The following CFAP221 variants were observed in gnomAD, a reference collection of about 807,000 sequenced individuals.
The protein encoded by CFAP221 is cilia- and flagella-associated protein 221.
Under a neutral mutation model 113.1 loss-of-function variants are expected in CFAP221, and 97 were observed. The observed-to-expected ratio is 0.86, with a 90% CI of 0.73 to 1.02. The LOEUF (loss-of-function observed/expected upper bound fraction) is 1.02, where lower values mean the gene tolerates loss of function less well. Among genes scored for constraint, CFAP221 ranks in the 50% least tolerant of loss-of-function variants. The probability of loss-of-function intolerance (pLI) is 0.00; values close to 1 mark genes in which losing one functional copy is unlikely to be tolerated. For synonymous variants in CFAP221, 331 were observed against 354.4 expected, an observed-to-expected ratio of 0.93 and a Z score of 0.74; for missense variants, 1,025 against 1,013.4, an observed-to-expected ratio of 1.01 and a Z score of -0.16.
In CFAP221 at chr2:119,592,179, G is replaced by A. The variant is rs569730251; in HGVS notation, c.631+4957G>A. 3.3e-5 allele frequency among the ~76,000 whole-genome samples: 5 copies of A among 152,180 alleles called. 1 individual carries two copies. The highest frequency in any genetic ancestry group is 3.9e-4 in the East Asian group (2 of 5,190). On this transcript the variant is annotated intron_variant, in intron 7 of 23. Transcript: ENST00000413369. ...GAGGCATACGATGATGCAGAGACAC[G>A]GAAAACTACAAGAAAACTTGGATCA...
intron 5 of CFAP221, 82 bp from the exon 6 acceptor site, chr2:119,561,932 A>G: frequency 5.6e-6 from 5 of 895,418 alleles, no homozygotes; most frequent in South Asian, 1.6e-5. Flanking sequence ...TGGAAACAAG[A>G]TAAGAAATAA....
Position 119,611,634 on chromosome 2 carries a change from T to C in CFAP221, c.1222-19T>C. The C allele has an allele frequency of 1.3e-6, 2 of 1,584,006 alleles. No homozygotes were observed. The highest frequency in any genetic ancestry group is 8.6e-7 in the Non-Finnish European group (1 of 1,164,652). On this transcript the variant is annotated intron_variant, in intron 12 of 23. Transcript: ENST00000413369. The stretch of plus-strand genomic sequence containing the variant: ...GCATTTATATTCAACTTAAATTATT[T>C]TGATGATTAAAAACCCAGCTAGACA...
At chr2:119,631,078 C>T in intron 19 of CFAP221, 177 bp downstream of exon 19, 2 of 1,305,492 alleles carry the variant, frequency 1.5e-6, no homozygotes, top group Non-Finnish European at 2.0e-6. Flanking sequence ...ATCAGTGATT[C>T]CGTCTTTTAG....
At chr2:119,622,556 A>T (rs1686005624) in intron 14 of CFAP221, among the ~76,000 whole-genome samples, 1 of 152,190 alleles carries the variant, frequency 6.6e-6, no homozygotes, top group African/African-American at 2.4e-5. Context: ...CCTGACAGAG[A>T]CACAACAAAA....
intron 3 of CFAP221, 92 bp downstream of exon 3, chr2:119,549,277 T>A: frequency 9.8e-7 from 1 of 1,019,238 alleles, no homozygotes; most frequent in Non-Finnish European, 1.4e-6. Flanking sequence ...AAGCACAGCA[T>A]AATCAGCCGT....
At chr2:119,570,028 G>A (rs555682611) in intron 6 of CFAP221, among the ~76,000 whole-genome samples, 14 of 151,952 alleles carry the variant, frequency 9.2e-5, no homozygotes, top group Non-Finnish European at 1.6e-4. Flanking sequence ...ACTGTTTTTT[G>A]CCTTTTAGTA....
At chr2:119,609,124 A>G (rs1279934265) in intron 12 of CFAP221, among the ~76,000 whole-genome samples, 1 of 152,154 alleles carries the variant, frequency 6.6e-6, no homozygotes, top group African/African-American at 2.4e-5. Flanking sequence ...AGGTTCAGGG[A>G]TGGGAACTGT....
intron 6 of CFAP221, 46 bp from the exon 7 acceptor site, chr2:119,587,073 A>T: frequency 7.3e-7 from 1 of 1,376,472 alleles, no homozygotes; most frequent in South Asian, 1.4e-5. Flanking sequence ...AGAACCAGTT[A>T]TAAAGAAAAA....
intron 6 of CFAP221, chr2:119,572,668 G>C: frequency 3.0e-6 from 2 of 672,394 alleles, no homozygotes; most frequent in East Asian, 5.4e-5. Flanking sequence ...ATTGGTTAGC[G>C]TGCTCTAGAC....
At chr2:119,566,555 A>AC (rs60863720) in intron 6 of CFAP221, among the ~76,000 whole-genome samples, 234 of 151,844 alleles carry the variant, frequency 1.5e-3, no homozygotes, top group Admixed American at 2.3e-3. Context: ...TAGCATGAGT[A>AC]CCCCCCCAGC....
intron 6 of CFAP221, among the ~76,000 whole-genome samples, chr2:119,584,580 G>C (rs939363699): frequency 2.7e-5 from 4 of 150,586 alleles, no homozygotes; most frequent in Non-Finnish European, 5.9e-5. Flanking sequence ...AAGTGAGACT[G>C]TGTCTCAAAA....
chr2:119,583,395 C>CTT (rs375405686), intron 6 of CFAP221, among the ~76,000 whole-genome samples: 2,958 of 123,226 alleles, frequency 0.024, 122 homozygotes, highest in African/African-American at 0.062. Flanking sequence ...GAAATAGTCT[C>CTT]TTTTTTTTTT....
chr2:119,651,142 G>T (rs558930679), intron 22 of CFAP221, among the ~76,000 whole-genome samples: 23 of 152,292 alleles, frequency 1.5e-4, no homozygotes, highest in African/African-American at 5.3e-4. Context: ...GGTCAGCTCT[G>T]AACAGAGTGA....
intron 7 of CFAP221, 72 bp downstream of exon 7, chr2:119,587,294 A>T: frequency 2.7e-6 from 3 of 1,109,756 alleles, no homozygotes; most frequent in Non-Finnish European, 3.7e-6. Flanking sequence ...TTTCAAACAC[A>T]TATCAGTGAT....
At position 119,549,084 on chromosome 2, in the gene CFAP221, G is replaced by A. The variant is rs1284773222; in HGVS notation, c.140-1G>A. On this transcript the variant is annotated splice_acceptor_variant, in intron 2 of 23. Coordinates refer to ENST00000413369, the MANE Select transcript of CFAP221 (RefSeq NM_001271049.2). LOFTEE classifies it high-confidence loss of function. ...TGTGCTTATCTACATTGTTTTTATAGAGGTTTATGCAAAACTTGTGAATAA... is the reference window on the plus strand; with the variant it reads ...TGTGCTTATCTACATTGTTTTTATAAAGGTTTATGCAAAACTTGTGAATAA... The A allele has an allele frequency of 2.6e-6, 4 of 1,513,834 alleles. No homozygotes were observed. Among genetic ancestry groups the A allele is most frequent in the East Asian group, 2.5e-5 (1 of 40,340 alleles). 93.8% of individuals were successfully genotyped at this position (1,513,834 alleles called of 1,614,324 possible).
At chr2:119,614,589 A>G (rs7583084) in intron 13 of CFAP221, among the ~76,000 whole-genome samples, 1 of 152,140 alleles carries the variant, frequency 6.6e-6, no homozygotes, top group Non-Finnish European at 1.5e-5. Flanking sequence ...AAACCATCAG[A>G]TCTCTTGAGA....
At chr2:119,649,843 G>A (rs1050284575) in intron 22 of CFAP221, among the ~76,000 whole-genome samples, 8 of 152,172 alleles carry the variant, frequency 5.3e-5, no homozygotes, top group Non-Finnish European at 1.0e-4. Flanking sequence ...GGAAGAGCTG[G>A]GTTGACCGAG....
chr2:119,550,913 C>T (rs190216028), intron 3 of CFAP221, among the ~76,000 whole-genome samples: 5 of 152,162 alleles, frequency 3.3e-5, no homozygotes, highest in Admixed American at 3.3e-4. Flanking sequence ...CCCCTATTCC[C>T]CTCCCACTCC....
chr2:119,549,328 G>C (rs1680265971), intron 3 of CFAP221, 143 bp downstream of exon 3: 1 of 650,978 alleles, frequency 1.5e-6, no homozygotes, highest in Non-Finnish European at 2.5e-6. Context: ...GTTCTATGAT[G>C]AGAAACTTTA....
Sources: allele counts gnomAD v4.1 joint callset (sites outside exome capture counted in the v4.1 genomes callset), GRCh38; gene constraint gnomAD v4.1.1; transcripts MANE v1.5; gene names NCBI Gene and HGNC (gene_info 2026-07-23, HGNC 2026-07-21).